OR7E24: variants seen among roughly 807,000 people sequenced by gnomAD.
OR7E24 encodes olfactory receptor family 7 subfamily E member 24, also known as olfactory receptor 7E24.
For synonymous variants in OR7E24, 130 were observed against 157.5 expected (o/e 0.83, Z 1.31); for missense variants, 385 against 410.3 (o/e 0.94, Z 0.53).
chr19:9,231,334 C>A, the OR7E24 span, among the ~76,000 whole-genome samples: 2 of 152,088 alleles, frequency 1.3e-5, no homozygotes, highest in East Asian at 3.9e-4. Context: ...GTAATCCCAG[C>A]ACTTTGGGAG....
chr19:9,242,534 G>A (rs895477052), upstream of OR7E24, among the ~76,000 whole-genome samples: 1 of 152,158 alleles, frequency 6.6e-6, no homozygotes, highest in African/African-American at 2.4e-5. Context: ...ATAGGCATGA[G>A]CCACCACAGT....
upstream of OR7E24, among the ~76,000 whole-genome samples, chr19:9,246,102 C>T (rs2066128938): frequency 1.9e-5 from 2 of 103,706 alleles, no homozygotes; most frequent in Admixed American, 3.1e-4. Context: ...TGGAGTCTTG[C>T]TCTGTCTCCC....
chr19:9,235,614 G>A, the OR7E24 span: 1 of 1,572,050 alleles, frequency 6.4e-7, no homozygotes, highest in Non-Finnish European at 8.8e-7. Flanking sequence ...GGTTCTCCCT[G>A]GTTCATATTC....
chr19:9,251,760 T>A lies in OR7E24; in HGVS notation c.717T>A (p.Ile239=). Residue 239 remains isoleucine, a synonymous_variant, in exon 1 of 1, where the codon ATT becomes ATA. Transcript: ENST00000456448. ...GGATCCTTTTCTCTTACTATAAAAT[T>A]GTTTCCCCCATTCTGAGAGTTCCAA... ...ISGILFSYYK[I]VSPILRVPTS... 1 of 1,611,826 alleles carries A rather than the reference T, an allele frequency of 6.2e-7. No individual in the cohort carries two copies. The highest frequency in any genetic ancestry group is 8.5e-7 in the Non-Finnish European group (1 of 1,178,862).
chr19:9,234,428 G>A, the OR7E24 span, among the ~76,000 whole-genome samples: 3,039 of 152,172 alleles, frequency 0.02, 81 homozygotes, highest in African/African-American at 0.069. Context: ...ACCTCACAAA[G>A]TGATACTGAC....
chr19:9,246,466 T>TGGTGTGTGTG (rs1555720675), upstream of OR7E24, among the ~76,000 whole-genome samples: 226 of 131,060 alleles, frequency 1.7e-3, 2 homozygotes, highest in African/African-American at 5.2e-3. Context: ...CTTAAAGGTA[T>TGGTGTGTGTG]TGTGTGTGTG....
the OR7E24 span, chr19:9,214,610 G>A: frequency 1.2e-6 from 2 of 1,613,968 alleles, no homozygotes; most frequent in Non-Finnish European, 1.7e-6. Context: ...TGGGGACTGT[G>A]GTGGAGATGA....
At chr19:9,246,805 G>T (rs1599233188), upstream of OR7E24, among the ~76,000 whole-genome samples, 1 of 152,306 alleles carries the variant, frequency 6.6e-6, no homozygotes, top group Middle Eastern at 3.4e-3. Context: ...TGTGCAGTTA[G>T]ATTTGTAGAA....
In OR7E24 at chr19:9,251,681, A is replaced by G. The variant is rs759355811; in HGVS notation, c.638A>G (p.Asn213Ser). The G allele has an allele frequency of 3.7e-6, 6 of 1,613,728 alleles. No individual in the cohort carries two copies. In the South Asian group the frequency reaches 6.6e-5, roughly 18 times the overall value. ...CTTAGGTGTTCCGACACCTTCATCAATGAAATGGTCATATATTTCATGGGT... is the reference window on the plus strand; with the variant it reads ...CTTAGGTGTTCCGACACCTTCATCAGTGAAATGGTCATATATTTCATGGGT... ...LHLRCSDTFI[N>S]EMVIYFMGAI... is the part of the protein sequence containing the mutation. The change falls in exon 1 of 1, where the codon AAT becomes AGT. Residue 213 changes from asparagine to serine, a missense_variant. Coordinates refer to ENST00000456448, the MANE Select transcript of OR7E24 (RefSeq NM_001079935.2).
chr19:9,209,656 T>A, the OR7E24 span: 1 of 53,260 alleles, frequency 1.9e-5, no homozygotes, highest in African/African-American at 5.3e-4. Context: ...AAACATTTCT[T>A]TTTTTTTTTT....
At chr19:9,212,236 T>C in the OR7E24 span, 1 of 152,218 alleles carries the variant, frequency 6.6e-6, no homozygotes, top group East Asian at 1.9e-4. Flanking sequence ...TTGTTTTATT[T>C]ATTTATTTTG....
the OR7E24 span, chr19:9,214,120 T>G: frequency 3.7e-6 from 6 of 1,614,018 alleles, no homozygotes; most frequent in Non-Finnish European, 5.1e-6. Flanking sequence ...GATCCACAGG[T>G]GGAAAAGGCT....
chr19:9,234,570 G>A, the OR7E24 span, among the ~76,000 whole-genome samples: 1 of 152,164 alleles, frequency 6.6e-6, no homozygotes. Context: ...CTAGAAAAGA[G>A]GACGTGAATT....
chr19:9,214,467 A>G, the OR7E24 span: 1 of 1,614,154 alleles, frequency 6.2e-7, no homozygotes, highest in Admixed American at 1.7e-5. Context: ...GCAGATGGCC[A>G]CAAACCGGTC....
At chr19:9,245,756 A>G (rs2066127385), upstream of OR7E24, among the ~76,000 whole-genome samples, 1 of 152,206 alleles carries the variant, frequency 6.6e-6, no homozygotes, top group Admixed American at 6.5e-5. Flanking sequence ...ATTCCTATAC[A>G]TTAGTTATTG....
At chr19:9,213,707 T>C in the OR7E24 span, 5 of 575,108 alleles carry the variant, frequency 8.7e-6, no homozygotes, top group South Asian at 4.2e-5. Context: ...CACTGCACTC[T>C]AGCCTGGGCG....
Position 9,251,278 on chromosome 19 carries a change from T to C in OR7E24, c.235T>C (p.Phe79Leu). The C allele has an allele frequency of 6.2e-7, 1 of 1,614,050 alleles. No homozygotes were observed. Among genetic ancestry groups the C allele is most frequent in the East Asian group, 2.2e-5 (1 of 44,862 alleles). The part of the protein sequence containing the change: ...SDSHLHTPMY[F>L]FLSNLSLADI... The stretch of plus-strand genomic sequence containing the variant: ...CTCCCACCTCCACACCCCCATGTAC[T>C]TCTTCCTCTCCAACCTGTCCTTGGC... Residue 79 changes from phenylalanine (F) to leucine (L), a missense_variant, in exon 1 of 1, where the codon TTC (phenylalanine) becomes CTC (leucine). Coordinates refer to ENST00000456448, the MANE Select transcript of OR7E24 (RefSeq NM_001079935.2).
At chr19:9,217,602 T>C in the OR7E24 span, among the ~76,000 whole-genome samples, 1 of 152,088 alleles carries the variant, frequency 6.6e-6, no homozygotes, top group African/African-American at 2.4e-5. Flanking sequence ...ATAGTGGTGC[T>C]ATCTCTGTTC....
the OR7E24 span, chr19:9,235,671 T>G: frequency 6.3e-7 from 1 of 1,597,232 alleles, no homozygotes; most frequent in Non-Finnish European, 8.6e-7. Context: ...AGATTCCGCA[T>G]TTCTTCTGTG....
Sources: gnomAD v4.1 joint callset for allele counts (sites outside exome capture counted in the v4.1 genomes callset) on GRCh38, gnomAD v4.1.1 for gene constraint, MANE v1.5 for transcripts, NCBI Gene and HGNC (gene_info 2026-07-23, HGNC 2026-07-21) for gene names.